Variants in OSTM1 observed in about 807,000 individuals in gnomAD.
OSTM1 encodes osteopetrosis-associated transmembrane protein 1.
Under a neutral mutation model 35.4 loss-of-function variants are expected in OSTM1, and 26 were observed. The ratio of observed to expected loss-of-function variants is 0.73; its 90% CI spans 0.54 to 1.02. The LOEUF (loss-of-function observed/expected upper bound fraction) is 1.02, where lower values mean the gene tolerates loss of function less well. OSTM1 is among the 50% of genes least tolerant of loss of function. The probability of loss-of-function intolerance (pLI) is 0.00; values close to 1 mark genes in which losing one functional copy is unlikely to be tolerated. For synonymous variants in OSTM1, 181 were observed against 165.0 expected, an observed-to-expected ratio of 1.10 and a Z score of -0.75; for missense variants, 366 against 409.6, an observed-to-expected ratio of 0.89 and a Z score of 0.92.
At chr6:108,062,669 C>T (rs951474447) in intron 2 of OSTM1, among the ~76,000 whole-genome samples, 12 of 151,632 alleles carry the variant, frequency 7.9e-5, no homozygotes, top group Non-Finnish European at 8.8e-5. Flanking sequence ...GCTGGGACTA[C>T]AGGCACATGC....
rs1341835633 is a variant in OSTM1 at position 108,044,267 on chromosome 6, C to T, written c.*518G>A. On this transcript the variant is annotated 3_prime_UTR_variant, in exon 6 of 6. Coordinates refer to ENST00000193322, the MANE Select transcript of OSTM1 (RefSeq NM_014028.4). The stretch of plus-strand genomic sequence containing the variant: ...GCAATCAGTGGTTTCAAAAATGACT[C>T]TAGGGAAACTAGAGACTGAATTATA... The T allele has an allele frequency of 6.6e-6, 1 of 152,536 alleles. No homozygotes were observed. The highest frequency in any genetic ancestry group is 2.4e-5 in the African/African-American group (1 of 41,410). The allele number at this position is 152,536 out of a possible 1,614,324, so 9.4% of individuals were successfully genotyped here. A position where few individuals can be genotyped will look rare whatever the true frequency, so the allele number is the denominator to read the frequency against.
intron 1 of OSTM1, among the ~76,000 whole-genome samples, chr6:108,070,929 C>T (rs1772472541): frequency 6.6e-6 from 1 of 151,078 alleles, no homozygotes; most frequent in Non-Finnish European, 1.5e-5. Flanking sequence ...TGGCTCACAC[C>T]TGTAATCCCA....
Position 108,042,624 on chromosome 6 carries a change from C to G in OSTM1, c.*2161G>C, listed in dbSNP as rs571535498. On this transcript the variant is annotated 3_prime_UTR_variant, in exon 6 of 6. Coordinates refer to ENST00000193322, the MANE Select transcript of OSTM1 (RefSeq NM_014028.4). ...AGAGACAGTGTTTCACTATGTTGTC[C>G]AGGCTGGTCTCGAACTCATAAGCTC... 1 of 152,090 alleles carries G rather than the reference C, an allele frequency of 6.6e-6. No homozygotes were observed. Among genetic ancestry groups the G allele is most frequent in the South Asian group, 2.1e-4 (1 of 4,818 alleles). The allele number at this position is 152,090 out of a possible 1,614,324, so 9.4% of individuals were successfully genotyped here. A position where few individuals can be genotyped will look rare whatever the true frequency, so the allele number is the denominator to read the frequency against.
chr6:108,069,854 T>C (rs1772450343), intron 1 of OSTM1, among the ~76,000 whole-genome samples: 1 of 152,192 alleles, frequency 6.6e-6, no homozygotes, highest in Non-Finnish European at 1.5e-5. Context: ...GTTAAACTAA[T>C]TATATTGCTG....
chr6:108,054,455 C>T lies in OSTM1; in HGVS notation c.615+35G>A, dbSNP rs530334109. On this transcript the variant is annotated intron_variant, in intron 3 of 5. Coordinates refer to ENST00000193322, the MANE Select transcript of OSTM1 (RefSeq NM_014028.4). ...CTGCACATTATTCCTTTGTACAAGG[C>T]AGCATTTTAATTTTAAATATTATAT... 5.8e-5 allele frequency: 55 copies of T among 942,092 alleles called. No individual in the cohort carries two copies. In the East Asian group the frequency reaches 6.6e-4, roughly 11 times the overall value. 58.4% of individuals were successfully genotyped at this position (942,092 alleles called of 1,614,324 possible).
chr6:108,047,875 G>A (rs1486423309), intron 5 of OSTM1, among the ~76,000 whole-genome samples: 1 of 152,184 alleles, frequency 6.6e-6, no homozygotes, highest in Non-Finnish European at 1.5e-5. Context: ...TTTCCATAAA[G>A]TTAAATAGAT....
At chr6:108,059,077 G>A (rs905366433) in intron 2 of OSTM1, among the ~76,000 whole-genome samples, 3 of 152,064 alleles carry the variant, frequency 2.0e-5, no homozygotes, top group Non-Finnish European at 4.4e-5. Context: ...TTATAATAAT[G>A]CTTCATACTG....
At chr6:108,058,044 C>CTTTTTTTT in intron 2 of OSTM1, among the ~76,000 whole-genome samples, 1 of 121,564 alleles carries the variant, frequency 8.2e-6, no homozygotes, top group African/African-American at 3.2e-5. Flanking sequence ...AAGAGTCAAT[C>CTTTTTTTT]TTTTTTTTTT....
intron 2 of OSTM1, among the ~76,000 whole-genome samples, chr6:108,057,083 C>T (rs1218624552): frequency 6.6e-6 from 1 of 152,042 alleles, no homozygotes; most frequent in African/African-American, 2.4e-5. Context: ...ACAAAATTAG[C>T]CAGGCATGGT....
In OSTM1 at chr6:108,050,897, T is replaced by G. The variant is rs1773605508; in HGVS notation, c.783+134A>C. The G allele has an allele frequency of 3.9e-6, 3 of 762,680 alleles. No individual in the cohort carries two copies. The Admixed American group carries it at 5.9e-5, about 15-fold the overall frequency. 47.2% of individuals were successfully genotyped at this position (762,680 alleles called of 1,614,324 possible). A position where few individuals can be genotyped will look rare whatever the true frequency, so the allele number is the denominator to read the frequency against. ...AGACCAGGATATTCTAAAACTTTACTACTTTATAACTAGTTATTTTTGGTT... is the reference window on the plus strand; with the variant it reads ...AGACCAGGATATTCTAAAACTTTACGACTTTATAACTAGTTATTTTTGGTT... On this transcript the variant is annotated intron_variant, in intron 4 of 5. Transcript: ENST00000193322.
rs765487482 is a variant in OSTM1 at position 108,049,267 on chromosome 6, C to T, written c.935G>A (p.Arg312His). The T allele has an allele frequency of 9.9e-6, 16 of 1,610,428 alleles. No homozygotes were observed. The highest frequency in any genetic ancestry group is 1.3e-5 in the Non-Finnish European group (15 of 1,177,144). Residue 312 changes from arginine (R) to histidine (H), a missense_variant, in exon 5 of 6, where the codon CGC (arginine) becomes CAC (histidine). Coordinates refer to ENST00000193322, the MANE Select transcript of OSTM1 (RefSeq NM_014028.4). ...AAAAAACTTACGCAGAATGAGTTTGCGTTTCTTTTGCTCTGAGTGAAGAAA... is the reference window on the plus strand; with the variant it reads ...AAAAAACTTACGCAGAATGAGTTTGTGTTTCTTTTGCTCTGAGTGAAGAAA... ...SSFLHSEQKK[R>H]KLILPKRLKS...
intron 5 of OSTM1, among the ~76,000 whole-genome samples, chr6:108,048,626 C>G (rs1372248821): frequency 6.6e-6 from 1 of 152,140 alleles, no homozygotes; most frequent in Non-Finnish European, 1.5e-5. Flanking sequence ...CTGTCTGTAT[C>G]TCCCTGCTAT....
intron 2 of OSTM1, among the ~76,000 whole-genome samples, chr6:108,056,154 T>C (rs915932224): frequency 1.3e-5 from 2 of 152,278 alleles, no homozygotes; most frequent in East Asian, 1.9e-4. Context: ...ATACTTGCTA[T>C]GTTCTAAGAA....
At chr6:108,047,583 G>A (rs1267975654) in intron 5 of OSTM1, among the ~76,000 whole-genome samples, 1 of 152,084 alleles carries the variant, frequency 6.6e-6, no homozygotes, top group East Asian at 1.9e-4. Context: ...TGGAAGGAGG[G>A]ATACCAGTTA....
rs1225512669 is a variant in OSTM1 at position 108,042,700 on chromosome 6, CTG to C, written c.*2083_*2084del. 1 of 152,170 alleles carries C rather than the reference CTG, an allele frequency of 6.6e-6. No individual in the cohort carries two copies. Among genetic ancestry groups the C allele is most frequent in the Non-Finnish European group, 1.5e-5 (1 of 68,030 alleles). The allele number at this position is 152,170 out of a possible 1,614,324, so 9.4% of individuals were successfully genotyped here. On this transcript the variant is annotated 3_prime_UTR_variant, in exon 6 of 6. Coordinates refer to ENST00000193322, the MANE Select transcript of OSTM1 (RefSeq NM_014028.4). ...GTGCTGCAAATACAGGTATGAGACACTGTGTCCAGCTGATGGTACTCATAAAA... is the reference window on the plus strand; with the variant it reads ...GTGCTGCAAATACAGGTATGAGACACTGTCCAGCTGATGGTACTCATAAAA...
intron 1 of OSTM1, among the ~76,000 whole-genome samples, chr6:108,073,322 C>T (rs1772519275): frequency 6.6e-6 from 1 of 152,156 alleles, no homozygotes; most frequent in Non-Finnish European, 1.5e-5. Flanking sequence ...TTTTCCTTTA[C>T]CAAGCATATC....
At chr6:108,050,081 A>G (rs1772048066) in intron 4 of OSTM1, among the ~76,000 whole-genome samples, 1 of 152,162 alleles carries the variant, frequency 6.6e-6, no homozygotes, top group South Asian at 2.1e-4. Flanking sequence ...CAGGCTATAA[A>G]ATGGAGAAAA....
chr6:108,064,050 G>A, intron 2 of OSTM1, 135 bp downstream of exon 2: 1 of 653,158 alleles, frequency 1.5e-6, no homozygotes, highest in East Asian at 2.7e-5. Context: ...AAACCATGGT[G>A]TCCATGACAG....
chr6:108,051,645 A>T (rs1404538258), intron 3 of OSTM1, among the ~76,000 whole-genome samples: 12 of 152,212 alleles, frequency 7.9e-5, no homozygotes, highest in Non-Finnish European at 1.6e-4. Context: ...GCTGACTTGA[A>T]CACCATAGTT....
Sources: allele counts gnomAD v4.1 joint callset (sites outside exome capture counted in the v4.1 genomes callset), GRCh38; gene constraint gnomAD v4.1.1; transcripts MANE v1.5; gene names NCBI Gene and HGNC (gene_info 2026-07-23, HGNC 2026-07-21).